The following TTC21B variants were observed in gnomAD, a reference collection of about 807,000 sequenced individuals.
TTC21B encodes tetratricopeptide repeat domain 21B, also known as tetratricopeptide repeat protein 21B.
A neutral mutation model predicts 175.1 loss-of-function variants in TTC21B; 127 were observed. That is an observed-to-expected ratio of 0.73 (90% CI 0.63 to 0.84). The LOEUF is 0.84. Ranked by LOEUF, TTC21B falls within the 40% of genes least tolerant of loss-of-function variation. The pLI, the probability that TTC21B is intolerant of heterozygous loss-of-function variation, is 0.00. For missense variants in TTC21B, 1,561 were observed against 1,558.3 expected (o/e 1.00, Z -0.03); for synonymous variants, 524 against 524.5 (o/e 1.00, Z 0.01).
intron 20 of TTC21B, among the ~76,000 whole-genome samples, chr2:165,900,904 C>CT (rs34392684): frequency 0.017 from 2,257 of 135,656 alleles, 67 homozygotes; most frequent in African/African-American, 0.054. Flanking sequence ...TTTTTCTTTT[C>CT]TTTTTTTTTT....
At chr2:165,940,686 T>C (rs911458891) in intron 6 of TTC21B, among the ~76,000 whole-genome samples, 3 of 152,186 alleles carry the variant, frequency 2.0e-5, no homozygotes, top group African/African-American at 7.2e-5. Context: ...TCTTGGTTTA[T>C]CTTTTCCCCA....
At chr2:165,881,249 T>C (rs1039441861) in intron 26 of TTC21B, among the ~76,000 whole-genome samples, 3 of 152,296 alleles carry the variant, frequency 2.0e-5, no homozygotes, top group African/African-American at 7.2e-5. Context: ...TCTAAATGTG[T>C]TAGTGTGCAT....
At chr2:165,877,755 C>A (rs1286840630) in intron 27 of TTC21B, among the ~76,000 whole-genome samples, 3 of 151,874 alleles carry the variant, frequency 2.0e-5, no homozygotes, top group Admixed American at 1.3e-4. Context: ...ATATATATAT[C>A]TCTACACACA....
rs754751728 is a variant in TTC21B, at chr2:165,883,927, G to A, written c.3551C>T (p.Ala1184Val). The change falls in exon 26 of 29, where the codon GCG becomes GTG. Residue 1184 changes from alanine to valine, a missense_variant. Physicochemically the swap from Ala to Val is moderately conservative, Grantham distance 64. Transcript: ENST00000243344. ...PRARNQLKRI[A>V]KMNWNAIDAE... is the part of the protein sequence containing the mutation. The stretch of plus-strand genomic sequence containing the variant: ...ATCAATAGCATTCCAATTCATTTTC[G>A]CAATACGCTTCAGCTGGTTTCTGGC... The A allele has an allele frequency of 1.2e-5, 19 of 1,613,872 alleles. No individual in the cohort carries two copies. In the East Asian group the frequency reaches 1.3e-4, roughly 11 times the overall value.
At chr2:165,878,727 GCTGCAGTGCAGTGGTGTGATCTCGGCTCA>G (rs1446016773) in intron 27 of TTC21B, among the ~76,000 whole-genome samples, 15 of 150,132 alleles carry the variant, frequency 1.0e-4, no homozygotes, top group African/African-American at 3.4e-4. Flanking sequence ...CGTCAACCAG[GCTGCAGTGCAGTGGTGTGATCTCGGCTCA>G]CTGCAACCTC....
At chr2:165,885,425 G>A (rs1217192751) in intron 25 of TTC21B, among the ~76,000 whole-genome samples, 1 of 152,160 alleles carries the variant, frequency 6.6e-6, no homozygotes, top group Non-Finnish European at 1.5e-5. Context: ...AAGCTTCCAA[G>A]ATATAATCTG....
intron 6 of TTC21B, among the ~76,000 whole-genome samples, chr2:165,940,799 G>A (rs1043293659): frequency 1.9e-4 from 29 of 151,992 alleles, no homozygotes; most frequent in Admixed American, 1.9e-3. Context: ...CAGGGATATT[G>A]GCCTGTTTGC....
At position 165,929,869 on chromosome 2, in the gene TTC21B, T is replaced by C. The variant is rs1864811; in HGVS notation, c.1088-122A>G. 0.018 allele frequency: 13,388 copies of C among 752,562 alleles called. 540 individuals carry two copies. Among genetic ancestry groups the C allele is most frequent in the Admixed American group, 0.12 (5,736 of 48,322 alleles). The allele number at this position is 752,562 out of a possible 1,614,324, so 46.6% of individuals were successfully genotyped here. A position where few individuals can be genotyped will look rare whatever the true frequency, so the allele number is the denominator to read the frequency against. The stretch of plus-strand genomic sequence containing the variant: ...CCATCACAATACTTAACGTTTTAGA[T>C]TAAAAACAACAGAAAGAAAGAAAAT... On this transcript the variant is annotated intron_variant, in intron 9 of 28. Transcript: ENST00000243344.
chr2:165,917,768 C>T (rs374313652), intron 13 of TTC21B, among the ~76,000 whole-genome samples: 238 of 152,314 alleles, frequency 1.6e-3, no homozygotes, highest in Non-Finnish European at 2.6e-3. Context: ...CTAGCAAATA[C>T]ATTCTAAGAG....
chr2:165,879,712 C>T (rs1273977860), intron 27 of TTC21B: 1 of 152,100 alleles, frequency 6.6e-6, no homozygotes, highest in African/African-American at 2.4e-5. Context: ...CAGCACTTTC[C>T]AAACTTACAT....
chr2:165,899,808 G>C lies in TTC21B; in HGVS notation c.2830C>G (p.Leu944Val). The change falls in exon 21 of 29, where the codon CTG (leucine) becomes GTG (valine). Residue 944 changes from leucine to valine, a missense_variant. Physicochemically the swap from Leu to Val is conservative, Grantham distance 32. Transcript: ENST00000243344. ...PDSCLRQCAL[L>V]LQSDQDNEAA... ...TCGTTATCCTGGTCACTCTGAAGCA[G>C]TAGAGCACACTGCCGCAGGCAGGAA... 1 of 1,613,998 alleles carries C rather than the reference G, an allele frequency of 6.2e-7. No homozygotes were observed. The highest frequency in any genetic ancestry group is 8.5e-7 in the Non-Finnish European group (1 of 1,179,880).
intron 6 of TTC21B, among the ~76,000 whole-genome samples, chr2:165,939,877 G>C (rs1166281328): frequency 2.0e-5 from 3 of 152,132 alleles, no homozygotes; most frequent in Admixed American, 1.3e-4. Flanking sequence ...CTCTGGATTT[G>C]AATCCTGACT....
chr2:165,942,123 G>C (rs1687390775), intron 5 of TTC21B, among the ~76,000 whole-genome samples: 1 of 152,152 alleles, frequency 6.6e-6, no homozygotes, highest in African/African-American at 2.4e-5. Context: ...GGTAAAACTT[G>C]AGGGTAGTGG....
Position 165,953,634 on chromosome 2 carries a change from A to G in TTC21B, c.21+51T>C, listed in dbSNP as rs1263595914. ...GCGCCCCCGGGCCAAAAGGCCGCAA[A>G]GGAACTCCGCCCGCCCGCCCGCTCA... On this transcript the variant is annotated intron_variant, in intron 1 of 28. Coordinates refer to ENST00000243344, the MANE Select transcript of TTC21B (RefSeq NM_024753.5). The G allele has an allele frequency of 5.9e-5, 82 of 1,398,382 alleles. 1 individual carries two copies. The highest frequency in any genetic ancestry group is 7.8e-5 in the Non-Finnish European group (82 of 1,054,450). The allele number at this position is 1,398,382 out of a possible 1,614,324, so 86.6% of individuals were successfully genotyped here. A position where few individuals can be genotyped will look rare whatever the true frequency, so the allele number is the denominator to read the frequency against.
rs183392316 is a variant in TTC21B, at chr2:165,886,673, T to G, written c.3459+1606A>C. ...CAACAGAAAGCAGGCATAGTCCTTC[T>G]AGGAAATAGCTGTAATATCATTCAC... On this transcript the variant is annotated intron_variant, in intron 25 of 28. Transcript: ENST00000243344. Among the ~76,000 whole-genome samples, 247 of 152,354 alleles carry G rather than the reference T, an allele frequency of 1.6e-3. 1 individual carries two copies. Among genetic ancestry groups the G allele is most frequent in the African/African-American group, 5.6e-3 (233 of 41,584 alleles).
chr2:165,935,777 T>C (rs1302033997), intron 6 of TTC21B, among the ~76,000 whole-genome samples: 2 of 152,138 alleles, frequency 1.3e-5, no homozygotes, highest in Non-Finnish European at 2.9e-5. Flanking sequence ...GCAAGATTTC[T>C]ATGAGGAAAA....
At position 165,914,691 on chromosome 2, in the gene TTC21B, G is replaced by GTGTGTGTGTGTGTGTGTGTC. The variant is rs1245233255; in HGVS notation, c.2138+509_2138+510insGACACACACACACACACACA. Among the ~76,000 whole-genome samples the GTGTGTGTGTGTGTGTGTGTC allele has an allele frequency of 5.3e-4, 78 of 148,362 alleles. 3 individuals carry two copies. Among genetic ancestry groups the GTGTGTGTGTGTGTGTGTGTC allele is most frequent in the African/African-American group, 1.8e-3 (71 of 38,450 alleles). ...TGTGTGTGTGTGTGTGTGTGTGTGT[G>GTGTGTGTGTGTGTGTGTGTC]TGTGTGTTGTGTATCCCAATAACTC... On this transcript the variant is annotated intron_variant, in intron 15 of 28. Coordinates refer to ENST00000243344, the MANE Select transcript of TTC21B (RefSeq NM_024753.5).
At position 165,949,627 on chromosome 2, in the gene TTC21B, C is replaced by CTGAA; in HGVS notation, c.115_118dup (p.Arg40IlefsTer14). On this transcript the variant is annotated frameshift_variant, in exon 2 of 29. Transcript: ENST00000243344. LOFTEE classifies it high-confidence loss of function. ...TAATGTGCCATAGGCATGATAAAAC[C>CTGAA]TGAAGACTGGATCACTTCCATACCT... The CTGAA allele has an allele frequency of 6.2e-7, 1 of 1,613,642 alleles. No individual in the cohort carries two copies. The highest frequency in any genetic ancestry group is 1.1e-5 in the South Asian group (1 of 91,074).
Position 165,874,700 on chromosome 2 carries a change from G to A in TTC21B, c.*55C>T. ...AAACCTGTTTTGAACAGGAAGAACT[G>A]AAAGTTAGATTTCTTTCATTTCCTG... On this transcript the variant is annotated 3_prime_UTR_variant, in exon 29 of 29. Coordinates refer to ENST00000243344, the MANE Select transcript of TTC21B (RefSeq NM_024753.5). 6.6e-7 allele frequency: 1 copy of A among 1,517,992 alleles called. No individual in the cohort carries two copies. The highest frequency in any genetic ancestry group is 9.1e-7 in the Non-Finnish European group (1 of 1,093,168). 94.0% of individuals were successfully genotyped at this position (1,517,992 alleles called of 1,614,324 possible). A position where few individuals can be genotyped will look rare whatever the true frequency, so the allele number is the denominator to read the frequency against.
Sources: allele counts gnomAD v4.1 joint callset (sites outside exome capture counted in the v4.1 genomes callset), GRCh38; gene constraint gnomAD v4.1.1; transcripts MANE v1.5; gene names NCBI Gene and HGNC (gene_info 2026-07-23, HGNC 2026-07-21).